Variants in PRKCB observed in about 807,000 individuals in gnomAD.
PRKCB encodes protein kinase C beta type.
In PRKCB, 13 loss-of-function variants were observed where a neutral mutation model predicts 81.5. The ratio of observed to expected loss-of-function variants is 0.16; its 90% CI spans 0.10 to 0.25. The LOEUF is 0.25. PRKCB is among the 10% of genes least tolerant of loss of function. The pLI is 1.00. For synonymous variants in PRKCB, 335 were observed against 321.4 expected (o/e 1.04, Z -0.45); for missense variants, 509 against 875.7 (o/e 0.58, Z 5.29).
intron 8 of PRKCB, among the ~76,000 whole-genome samples, chr16:24,122,985 AG>A (rs1384752133): frequency 6.6e-6 from 1 of 152,236 alleles, no homozygotes; most frequent in East Asian, 1.9e-4. Flanking sequence ...ACAAATATTT[AG>A]TTGGGAACTA....
At chr16:24,211,688 A>G (rs2141993751) in intron 16 of PRKCB, among the ~76,000 whole-genome samples, 1 of 151,568 alleles carries the variant, frequency 6.6e-6, no homozygotes, top group East Asian at 2.0e-4. Context: ...CCTCCCGAGT[A>G]GCTGGGATTA....
At chr16:24,056,417 A>G (rs181973248) in intron 5 of PRKCB, among the ~76,000 whole-genome samples, 1 of 152,370 alleles carries the variant, frequency 6.6e-6, no homozygotes, top group African/African-American at 2.4e-5. Context: ...TAGGGGCAAC[A>G]ATGCCCACTG....
intron 2 of PRKCB, among the ~76,000 whole-genome samples, chr16:23,884,271 T>C (rs1342100419): frequency 6.6e-6 from 1 of 152,162 alleles, no homozygotes; most frequent in Non-Finnish European, 1.5e-5. Flanking sequence ...CCACCCCCAA[T>C]GATGAAGACA....
At chr16:23,956,139 TGA>T (rs1964346705) in intron 2 of PRKCB, among the ~76,000 whole-genome samples, 1 of 152,174 alleles carries the variant, frequency 6.6e-6, no homozygotes, top group East Asian at 1.9e-4. Flanking sequence ...TAATTTTTTT[TGA>T]GAGAGGGCCT....
intron 2 of PRKCB, among the ~76,000 whole-genome samples, chr16:23,938,117 A>ATCACTAGGGAAAG: frequency 6.6e-6 from 1 of 152,290 alleles, no homozygotes; most frequent in East Asian, 1.9e-4. Context: ...ACTAGCGAAA[A>ATCACTAGGGAAAG]CATCACTAGG....
At chr16:24,047,805 C>T (rs1376715656) in intron 5 of PRKCB, among the ~76,000 whole-genome samples, 3 of 152,196 alleles carry the variant, frequency 2.0e-5, no homozygotes, top group African/African-American at 4.8e-5. Flanking sequence ...ACTAGTTTAG[C>T]CTTAAGGTCT....
intron 9 of PRKCB, among the ~76,000 whole-genome samples, chr16:24,135,436 C>T (rs1457362237): frequency 6.6e-6 from 1 of 151,684 alleles, no homozygotes; most frequent in African/African-American, 2.4e-5. Flanking sequence ...CCTCAGCCTC[C>T]CGAGTGGCTG....
At chr16:23,848,673 G>T (rs1421101816) in intron 2 of PRKCB, among the ~76,000 whole-genome samples, 1 of 152,242 alleles carries the variant, frequency 6.6e-6, no homozygotes, top group African/African-American at 2.4e-5. Context: ...GTGGTGAAGA[G>T]TTGGTGTTTT....
chr16:23,899,313 T>C (rs963337140), intron 2 of PRKCB, among the ~76,000 whole-genome samples: 1 of 152,190 alleles, frequency 6.6e-6, no homozygotes, highest in Non-Finnish European at 1.5e-5. Context: ...AGGTAATAAT[T>C]ATCAAGGACA....
intron 11 of PRKCB, among the ~76,000 whole-genome samples, chr16:24,173,521 G>A (rs1967479055): frequency 6.6e-6 from 1 of 152,174 alleles, no homozygotes; most frequent in South Asian, 2.1e-4. Context: ...TTATTCTTGT[G>A]CTTCCAAATC....
intron 7 of PRKCB, among the ~76,000 whole-genome samples, chr16:24,096,261 AAAATAAAATG>A (rs1166223428): frequency 6.6e-6 from 1 of 152,170 alleles, no homozygotes; most frequent in Non-Finnish European, 1.5e-5. Flanking sequence ...ACTCCATCTC[AAAATAAAATG>A]AAATAAAATA....
chr16:24,065,850 A>C (rs1327076369), intron 5 of PRKCB, among the ~76,000 whole-genome samples: 3 of 152,222 alleles, frequency 2.0e-5, no homozygotes, highest in Non-Finnish European at 4.4e-5. Flanking sequence ...CTCTGGGGAA[A>C]AAAAATCTTT....
intron 8 of PRKCB, among the ~76,000 whole-genome samples, chr16:24,120,903 A>G (rs771751102): frequency 4.6e-5 from 7 of 151,532 alleles, no homozygotes; most frequent in Non-Finnish European, 8.8e-5. Flanking sequence ...CTGGCTCATC[A>G]TTTCTCTCCT....
At chr16:24,207,604 G>A (rs1025651892) in intron 16 of PRKCB, among the ~76,000 whole-genome samples, 14 of 152,076 alleles carry the variant, frequency 9.2e-5, no homozygotes, top group African/African-American at 3.1e-4. Context: ...TGTTTTGCAT[G>A]GTAATACATC....
intron 2 of PRKCB, among the ~76,000 whole-genome samples, chr16:23,862,494 G>A (rs144686092): frequency 7.9e-5 from 12 of 152,304 alleles, no homozygotes; most frequent in East Asian, 5.8e-4. Flanking sequence ...AGCAGCTTGC[G>A]TTCAGGGGAA....
At chr16:24,024,084 G>A (rs1965444084) in intron 3 of PRKCB, among the ~76,000 whole-genome samples, 1 of 152,186 alleles carries the variant, frequency 6.6e-6, no homozygotes, top group African/African-American at 2.4e-5. Context: ...TTCATCCCTG[G>A]GGTCATGTAG....
chr16:24,181,771 C>CAGAAAAAAAAA (rs1967627187), intron 13 of PRKCB, among the ~76,000 whole-genome samples: 1 of 24,566 alleles, frequency 4.1e-5, no homozygotes, highest in Admixed American at 6.2e-4. Flanking sequence ...GACCCTGTCT[C>CAGAAAAAAAAA]AAAAAAAAAA....
chr16:23,895,007 GT>G (rs1325452024), intron 2 of PRKCB, among the ~76,000 whole-genome samples: 2 of 152,116 alleles, frequency 1.3e-5, no homozygotes, highest in African/African-American at 4.8e-5. Context: ...TTTTTTAGAA[GT>G]TTGAGTGGAT....
intron 13 of PRKCB, among the ~76,000 whole-genome samples, chr16:24,183,448 A>G (rs1253652360): frequency 6.6e-6 from 1 of 152,186 alleles, no homozygotes. Context: ...TATTCCTGCT[A>G]CTTAACTGAA....
Sources: gnomAD v4.1 joint callset for allele counts (sites outside exome capture counted in the v4.1 genomes callset) on GRCh38, gnomAD v4.1.1 for gene constraint, MANE v1.5 for transcripts, NCBI Gene and HGNC (gene_info 2026-07-23, HGNC 2026-07-21) for gene names.